BAIAP2: variants seen among roughly 807,000 people sequenced by gnomAD.
The protein encoded by BAIAP2 is BAR/IMD domain-containing adapter protein 2.
A neutral mutation model predicts 63.0 loss-of-function variants in BAIAP2; 18 were observed. The ratio of observed to expected loss-of-function variants is 0.29; its 90% CI spans 0.20 to 0.42. The LOEUF (loss-of-function observed/expected upper bound fraction) is 0.42, where lower values mean the gene tolerates loss of function less well. Ranked by LOEUF, BAIAP2 falls within the 10% of genes least tolerant of loss-of-function variation. The pLI is 1.00. For synonymous variants in BAIAP2, 386 were observed against 307.6 expected (o/e 1.25, Z -2.67); for missense variants, 610 against 734.3 (o/e 0.83, Z 1.96).
intron 13 of BAIAP2, chr17:81,108,810 G>C: frequency 8.1e-7 from 1 of 1,231,238 alleles, no homozygotes; most frequent in Non-Finnish European, 1.1e-6. Flanking sequence ...AGCCTCCTCT[G>C]CCCCAATCTG....
intron 1 of BAIAP2, among the ~76,000 whole-genome samples, chr17:81,047,501 G>A (rs6565530): frequency 0.92 from 140,543 of 152,280 alleles, 64,901 homozygotes; most frequent in African/African-American, 0.95. Context: ...ACAGGTCCAC[G>A]TGTGTCCAGC....
chr17:81,039,128 G>A (rs551706972), intron 1 of BAIAP2, among the ~76,000 whole-genome samples: 2 of 152,372 alleles, frequency 1.3e-5, no homozygotes, highest in South Asian at 4.1e-4. Flanking sequence ...ACATGTGCAT[G>A]TCTGTGTTAC....
rs534983820 is a variant in BAIAP2 at position 81,048,123 on chromosome 17, G to A, written c.55-5545G>A. ...TTCCTGGCCGGGAGCAGTGGCTCTC[G>A]CCTGTAATCCCAGCACTTTGGGAGG... On this transcript the variant is annotated intron_variant, in intron 1 of 13. Transcript: ENST00000428708. 2.2e-4 allele frequency among the ~76,000 whole-genome samples: 34 copies of A among 152,298 alleles called. 2 individuals are homozygous for A. The South Asian group carries it at 6.4e-3, about 29-fold the overall frequency.
intron 6 of BAIAP2, among the ~76,000 whole-genome samples, chr17:81,094,098 G>A (rs1398882341): frequency 6.6e-6 from 1 of 152,156 alleles, no homozygotes; most frequent in African/African-American, 2.4e-5. Flanking sequence ...CAGTGTCCCC[G>A]GGGCCAGGGC....
At chr17:81,040,539 G>A (rs118094386) in intron 1 of BAIAP2, among the ~76,000 whole-genome samples, 73 of 152,400 alleles carry the variant, frequency 4.8e-4, no homozygotes, top group Non-Finnish European at 8.8e-4. Context: ...GGCTTGATCT[G>A]TCCTGCCCAC....
intron 3 of BAIAP2, among the ~76,000 whole-genome samples, chr17:81,080,771 A>G (rs1255728737): frequency 6.6e-6 from 1 of 152,124 alleles, no homozygotes; most frequent in Non-Finnish European, 1.5e-5. Flanking sequence ...GCTCCCAGCT[A>G]CTTGGGAGGC....
At chr17:81,049,282 G>GC (rs986583393) in intron 1 of BAIAP2, among the ~76,000 whole-genome samples, 2 of 152,092 alleles carry the variant, frequency 1.3e-5, no homozygotes, top group African/African-American at 4.8e-5. Flanking sequence ...TGTGCCTGTG[G>GC]CCCCCCAGGA....
intron 3 of BAIAP2, among the ~76,000 whole-genome samples, chr17:81,066,149 T>G (rs1416830182): frequency 6.6e-6 from 1 of 152,248 alleles, no homozygotes; most frequent in African/African-American, 2.4e-5. Context: ...CTGGTGTGTT[T>G]TTGTCCTTTG....
chr17:81,069,030 G>T (rs1368496127), intron 3 of BAIAP2, among the ~76,000 whole-genome samples: 1 of 152,180 alleles, frequency 6.6e-6, no homozygotes, highest in African/African-American at 2.4e-5. Context: ...CAGCCCCAGG[G>T]GTGATCCCGG....
chr17:81,093,866 G>C (rs900139976), intron 6 of BAIAP2, among the ~76,000 whole-genome samples: 5 of 152,172 alleles, frequency 3.3e-5, no homozygotes, highest in Admixed American at 2.6e-4. Context: ...GGCGACGTGC[G>C]GGGGGTGTGA....
At chr17:81,081,068 G>T (rs1177514624) in intron 3 of BAIAP2, among the ~76,000 whole-genome samples, 1 of 152,234 alleles carries the variant, frequency 6.6e-6, no homozygotes, top group African/African-American at 2.4e-5. Flanking sequence ...GCCAGACCTT[G>T]TGCCTGTTGT....
intron 13 of BAIAP2, 71 bp from the exon 14 acceptor site, chr17:81,115,699 G>A (rs759017340): frequency 6.4e-5 from 101 of 1,578,568 alleles, no homozygotes; most frequent in Admixed American, 1.2e-4. Context: ...CTGGGGCATC[G>A]GGCAGCCCAG....
chr17:81,043,847 G>C (rs1053179897), intron 1 of BAIAP2, among the ~76,000 whole-genome samples: 1 of 152,246 alleles, frequency 6.6e-6, no homozygotes, highest in African/African-American at 2.4e-5. Context: ...CTGTCCTTCC[G>C]TTCGGGAGTT....
At chr17:81,063,025 A>C (rs1484237515) in intron 3 of BAIAP2, among the ~76,000 whole-genome samples, 1 of 151,516 alleles carries the variant, frequency 6.6e-6, no homozygotes, top group African/African-American at 2.4e-5. Context: ...GCTTGTGAAC[A>C]GCATCACTCC....
At chr17:81,070,564 G>A (rs2052421067) in intron 3 of BAIAP2, among the ~76,000 whole-genome samples, 1 of 152,192 alleles carries the variant, frequency 6.6e-6, no homozygotes, top group African/African-American at 2.4e-5. Flanking sequence ...GGTTCCTAGT[G>A]GACGCGGGGG....
chr17:81,065,096 C>A (rs2051232021), intron 3 of BAIAP2, among the ~76,000 whole-genome samples: 1 of 152,212 alleles, frequency 6.6e-6, no homozygotes, highest in Non-Finnish European at 1.5e-5. Flanking sequence ...AGACTTTTCC[C>A]AGGGGCGTCT....
At chr17:81,099,744 CCGGGGTAGCTG>C (rs1035130642) in intron 6 of BAIAP2, among the ~76,000 whole-genome samples, 173 bp from the exon 7 acceptor site, 9 of 152,224 alleles carry the variant, frequency 5.9e-5, no homozygotes, top group African/African-American at 1.9e-4. Flanking sequence ...CTGAGTGGTC[CCGGGGTAGCTG>C]AAGCCTCCTG....
chr17:81,108,628 C>G, intron 13 of BAIAP2, 119 bp downstream of exon 13: 1 of 1,342,248 alleles, frequency 7.5e-7, no homozygotes, highest in South Asian at 1.2e-5. Context: ...CAGCCTGGCC[C>G]TTCACCCCTG....
chr17:81,094,811 C>T (rs753093253), intron 6 of BAIAP2, among the ~76,000 whole-genome samples: 6 of 152,318 alleles, frequency 3.9e-5, no homozygotes, highest in Non-Finnish European at 7.3e-5. Flanking sequence ...CTGACCGGTC[C>T]GCAGCCGCAT....
Sources: gnomAD v4.1 joint callset for allele counts (sites outside exome capture counted in the v4.1 genomes callset) on GRCh38, gnomAD v4.1.1 for gene constraint, MANE v1.5 for transcripts, NCBI Gene and HGNC (gene_info 2026-07-23, HGNC 2026-07-21) for gene names.